Variants in ZNF131 observed in about 807,000 individuals in gnomAD.
ZNF131 encodes the protein zinc finger and BTB domain containing 35, also known as zinc finger protein 131.
ZNF131 carries 7 observed loss-of-function variants against 60.0 expected under a neutral mutation model. The ratio of observed to expected loss-of-function variants is 0.12; its 90% CI spans 0.07 to 0.22. The LOEUF (loss-of-function observed/expected upper bound fraction) is 0.22, where lower values mean the gene tolerates loss of function less well. Ranked by LOEUF, ZNF131 falls within the 10% of genes least tolerant of loss-of-function variation. The pLI, the probability that ZNF131 is intolerant of heterozygous loss-of-function variation, is 1.00. For synonymous variants in ZNF131, 257 were observed against 253.2 expected, an observed-to-expected ratio of 1.01 and a Z score of -0.14; for missense variants, 493 against 740.9, an observed-to-expected ratio of 0.67 and a Z score of 3.88.
At chr5:43,128,747 C>T (rs748297772) in intron 3 of ZNF131, among the ~76,000 whole-genome samples, 4 of 150,460 alleles carry the variant, frequency 2.7e-5, no homozygotes, top group Non-Finnish European at 5.9e-5. Flanking sequence ...TTCCAAAGAT[C>T]AGGTACCAGT....
chr5:43,143,058 CTGTTACCAGGA>C (rs1439335796), intron 4 of ZNF131, among the ~76,000 whole-genome samples: 2 of 147,894 alleles, frequency 1.4e-5, no homozygotes, highest in Admixed American at 1.4e-4. Flanking sequence ...CAGAGTCTCA[CTGTTACCAGGA>C]TGGAGTGCAG....
At chr5:43,144,356 G>C (rs921490157) in intron 4 of ZNF131, among the ~76,000 whole-genome samples, 3 of 143,532 alleles carry the variant, frequency 2.1e-5, no homozygotes, top group Non-Finnish European at 4.5e-5. Flanking sequence ...AGCCTCCTGA[G>C]TAGCTGGGAT....
chr5:43,145,331 TAAGAC>T (rs1166155753), intron 4 of ZNF131, among the ~76,000 whole-genome samples: 4 of 152,062 alleles, frequency 2.6e-5, no homozygotes, highest in African/African-American at 9.7e-5. Context: ...TACCTATAGT[TAAGAC>T]AAGCATAAGA....
At chr5:43,161,999 CT>C in intron 5 of ZNF131, 68 bp downstream of exon 5, 1 of 1,431,242 alleles carries the variant, frequency 7.0e-7, no homozygotes, top group Non-Finnish European at 9.3e-7. Context: ...TATCTAAATC[CT>C]TTTTAAAAAA....
intron 5 of ZNF131, among the ~76,000 whole-genome samples, chr5:43,168,870 G>A (rs867655297): frequency 1.3e-5 from 2 of 152,198 alleles, no homozygotes; most frequent in Non-Finnish European, 2.9e-5. Flanking sequence ...GAGTAAAAGA[G>A]CTGGTGACTC....
At chr5:43,123,059 G>C (rs1744075328) in intron 2 of ZNF131, 150 bp from the exon 3 acceptor site, 2 of 588,824 alleles carry the variant, frequency 3.4e-6, no homozygotes, top group Non-Finnish European at 5.8e-6. Context: ...TAGCTGCCAA[G>C]AATATTCTGC....
chr5:43,132,505 C>CTTTTTT (rs4050538), intron 3 of ZNF131, among the ~76,000 whole-genome samples: 4 of 93,504 alleles, frequency 4.3e-5, no homozygotes, highest in Admixed American at 1.3e-4. Flanking sequence ...GAATGGTATT[C>CTTTTTT]TTTTTTTTTT....
At chr5:43,167,024 T>C (rs1750453240) in intron 5 of ZNF131, among the ~76,000 whole-genome samples, 1 of 152,118 alleles carries the variant, frequency 6.6e-6, no homozygotes, top group South Asian at 2.1e-4. Context: ...CTGATTTCAA[T>C]ATTGTTGCCT....
chr5:43,149,381 A>G lies in ZNF131; in HGVS notation c.371+10072A>G, dbSNP rs553457656. Reference sequence around the variant, plus strand: ...ATATTAGTGTGTGTATAAGTAGTTCATTCCTTTTTCCTGCTGAGTATTCCA... The same window carrying G: ...ATATTAGTGTGTGTATAAGTAGTTCGTTCCTTTTTCCTGCTGAGTATTCCA... On this transcript the variant is annotated intron_variant, in intron 4 of 6. Transcript: ENST00000682664. Among the ~76,000 whole-genome samples the G allele has an allele frequency of 4.6e-5, 7 of 152,334 alleles. No individual in the cohort carries two copies. The East Asian group carries it at 7.7e-4, about 17-fold the overall frequency.
At chr5:43,125,242 GTGGTT>G (rs1412876695) in intron 3 of ZNF131, among the ~76,000 whole-genome samples, 2 of 152,000 alleles carry the variant, frequency 1.3e-5, no homozygotes, top group Admixed American at 1.3e-4. Context: ...GGGAGAATGA[GTGGTT>G]TGGTCTTCCT....
intron 4 of ZNF131, among the ~76,000 whole-genome samples, chr5:43,153,445 G>A (rs1748568643): frequency 7.3e-6 from 1 of 136,200 alleles, no homozygotes; most frequent in Non-Finnish European, 1.5e-5. Flanking sequence ...GACCAACATG[G>A]TGAACTCCCA....
At chr5:43,160,232 G>A (rs866007045) in intron 4 of ZNF131, among the ~76,000 whole-genome samples, 4 of 151,194 alleles carry the variant, frequency 2.6e-5, no homozygotes, top group Non-Finnish European at 4.4e-5. Context: ...GCTGGGCACA[G>A]TAGCTCATGT....
In ZNF131 at chr5:43,175,696, T is replaced by C. The variant is rs963189033; in HGVS notation, c.*563T>C. ...GCCATCTTTGCAACAGAAAGAGTGG[T>C]GGTGGCAAAATTTCTAGAATGTTAA... On this transcript the variant is annotated 3_prime_UTR_variant, in exon 7 of 7. Transcript: ENST00000682664. 11 of 344,016 alleles carry C rather than the reference T, an allele frequency of 3.2e-5. No individual in the cohort carries two copies. The highest frequency in any genetic ancestry group is 5.2e-5 in the Admixed American group (1 of 19,206). The allele number at this position is 344,016 out of a possible 1,614,324, so 21.3% of individuals were successfully genotyped here. A position where few individuals can be genotyped will look rare whatever the true frequency, so the allele number is the denominator to read the frequency against.
At chr5:43,164,793 TA>T (rs1383124167) in intron 5 of ZNF131, among the ~76,000 whole-genome samples, 1 of 152,222 alleles carries the variant, frequency 6.6e-6, no homozygotes, top group Non-Finnish European at 1.5e-5. Context: ...GTGAGATAAG[TA>T]ATTTAAGTAG....
chr5:43,171,400 T>C (rs1268966350), intron 5 of ZNF131, among the ~76,000 whole-genome samples: 5 of 152,252 alleles, frequency 3.3e-5, no homozygotes, highest in African/African-American at 1.2e-4. Context: ...AAATAAATAA[T>C]GGATGTCCCT....
intron 4 of ZNF131, among the ~76,000 whole-genome samples, chr5:43,153,761 A>G (rs1054637640): frequency 2.0e-5 from 3 of 152,214 alleles, no homozygotes; most frequent in Non-Finnish European, 4.4e-5. Context: ...AGAAGACATG[A>G]TCCCTTTCTA....
intron 5 of ZNF131, among the ~76,000 whole-genome samples, chr5:43,168,353 A>G (rs866315835): frequency 6.6e-6 from 1 of 152,220 alleles, no homozygotes; most frequent in African/African-American, 2.4e-5. Flanking sequence ...GAAATGAAAC[A>G]TACACAGTCA....
chr5:43,131,275 C>T (rs568132529), intron 3 of ZNF131, among the ~76,000 whole-genome samples: 13 of 151,196 alleles, frequency 8.6e-5, no homozygotes, highest in African/African-American at 1.9e-4. Flanking sequence ...CAGGTTCAAG[C>T]GATTGTCCTG....
At chr5:43,154,677 C>T (rs1053013114) in intron 4 of ZNF131, among the ~76,000 whole-genome samples, 2 of 152,158 alleles carry the variant, frequency 1.3e-5, no homozygotes, top group African/African-American at 4.8e-5. Context: ...GTTACCATAT[C>T]CAGAATAATG....
Sources: gnomAD v4.1 joint callset for allele counts (sites outside exome capture counted in the v4.1 genomes callset) on GRCh38, gnomAD v4.1.1 for gene constraint, MANE v1.5 for transcripts, NCBI Gene and HGNC (gene_info 2026-07-23, HGNC 2026-07-21) for gene names.